The following SIPA1L3 variants were observed in gnomAD, a reference collection of about 807,000 sequenced individuals.
The protein encoded by SIPA1L3 is signal induced proliferation associated 1 like 3, also known as signal-induced proliferation-associated 1-like protein 3.
A neutral mutation model predicts 150.1 loss-of-function variants in SIPA1L3; 59 were observed. That is an observed-to-expected ratio of 0.39 (90% CI 0.32 to 0.49). SIPA1L3 has a LOEUF of 0.49. Ranked by LOEUF, SIPA1L3 falls within the 20% of genes least tolerant of loss-of-function variation. The probability of loss-of-function intolerance (pLI) is 0.86; values close to 1 mark genes in which losing one functional copy is unlikely to be tolerated. For synonymous variants in SIPA1L3, 1,070 were observed against 1,077.6 expected (o/e 0.99, Z 0.14); for missense variants, 2,211 against 2,489.5 (o/e 0.89, Z 2.38).
At chr19:38,204,555 G>A (rs143025263) in intron 21 of SIPA1L3, among the ~76,000 whole-genome samples, 7,717 of 152,230 alleles carry the variant, frequency 0.051, 524 homozygotes, top group African/African-American at 0.15. Flanking sequence ...CCTGAGGTCA[G>A]GAGTTCGAGA....
At chr19:38,069,808 GCACGCGCCACTATAC>G (rs1253092414) in intron 2 of SIPA1L3, among the ~76,000 whole-genome samples, 1 of 151,114 alleles carries the variant, frequency 6.6e-6, no homozygotes, top group African/African-American at 2.4e-5. Context: ...GGGACCACAG[GCACGCGCCACTATAC>G]CTGGTTAATT....
At chr19:38,127,913 C>T (rs948454226) in intron 9 of SIPA1L3, among the ~76,000 whole-genome samples, 2 of 152,070 alleles carry the variant, frequency 1.3e-5, no homozygotes, top group East Asian at 1.9e-4. Flanking sequence ...TTTATTTCTT[C>T]GCATTTCTGG....
intron 1 of SIPA1L3, among the ~76,000 whole-genome samples, chr19:37,960,330 T>G (rs2046845906): frequency 6.6e-6 from 1 of 152,000 alleles, no homozygotes; most frequent in Non-Finnish European, 1.5e-5. Flanking sequence ...CTCAACCTAC[T>G]GTGTTCAAGC....
chr19:38,032,241 T>C (rs1253492948), intron 2 of SIPA1L3, among the ~76,000 whole-genome samples: 1 of 152,218 alleles, frequency 6.6e-6, no homozygotes, highest in Non-Finnish European at 1.5e-5. Context: ...ATACTTGTTT[T>C]AATCTAGCAC....
At chr19:37,951,603 TAAAA>T (rs1365261689) in intron 1 of SIPA1L3, among the ~76,000 whole-genome samples, 1 of 151,884 alleles carries the variant, frequency 6.6e-6, no homozygotes, top group Non-Finnish European at 1.5e-5. Context: ...AAAAACAACT[TAAAA>T]AAAGCCCCGG....
At chr19:37,972,168 A>AGTGTGTGTGTGTGTGTGTGTGT (rs34744094) in intron 1 of SIPA1L3, among the ~76,000 whole-genome samples, 1 of 144,946 alleles carries the variant, frequency 6.9e-6, no homozygotes, top group African/African-American at 2.6e-5. Flanking sequence ...AGAGATACCT[A>AGTGTGTGTGTGTGTGTGTGTGT]GTGTGTGTGT....
intron 19 of SIPA1L3, among the ~76,000 whole-genome samples, chr19:38,198,752 A>AC (rs1973023164): frequency 6.6e-6 from 1 of 152,206 alleles, no homozygotes; most frequent in Non-Finnish European, 1.5e-5. Context: ...AGCGGAAGTG[A>AC]CCATGCCTGA....
At chr19:37,957,161 G>T (rs2046818380) in intron 1 of SIPA1L3, among the ~76,000 whole-genome samples, 1 of 152,152 alleles carries the variant, frequency 6.6e-6, no homozygotes, top group African/African-American at 2.4e-5. Context: ...TACTGCTAGT[G>T]CCACAGTCTT....
chr19:38,165,860 T>A (rs1972198125), intron 15 of SIPA1L3, among the ~76,000 whole-genome samples: 1 of 152,188 alleles, frequency 6.6e-6, no homozygotes, highest in Non-Finnish European at 1.5e-5. Flanking sequence ...CCTCCCAGGT[T>A]CAAGTGATTC....
chr19:38,196,794 C>T (rs551578128), intron 18 of SIPA1L3, among the ~76,000 whole-genome samples: 100 of 151,728 alleles, frequency 6.6e-4, no homozygotes, highest in East Asian at 3.9e-4. Flanking sequence ...GGCTGAGGGA[C>T]GAGCCAGGAG....
intron 4 of SIPA1L3, among the ~76,000 whole-genome samples, chr19:38,089,529 A>ACGTAATG (rs1970216228): frequency 6.6e-6 from 1 of 152,178 alleles, no homozygotes; most frequent in Non-Finnish European, 1.5e-5. Flanking sequence ...GAGGTGTCCT[A>ACGTAATG]CGTAATGGAA....
At chr19:38,022,486 T>C (rs1439973608) in intron 1 of SIPA1L3, among the ~76,000 whole-genome samples, 1 of 150,824 alleles carries the variant, frequency 6.6e-6, no homozygotes, top group African/African-American at 2.5e-5. Context: ...GATCACGAAG[T>C]CAGGAGATTG....
intron 18 of SIPA1L3, among the ~76,000 whole-genome samples, chr19:38,196,442 A>AGGTCAAGGGCGGAGTGT (rs1972943635): frequency 1.5e-5 from 2 of 133,402 alleles, no homozygotes; most frequent in African/African-American, 5.8e-5. Context: ...GGGCAGAGCA[A>AGGTCAAGGGCGGAGTGT]GGAGGTCAAG....
At chr19:38,111,655 C>G (rs1220912790) in intron 8 of SIPA1L3, among the ~76,000 whole-genome samples, 1 of 152,208 alleles carries the variant, frequency 6.6e-6, no homozygotes, top group East Asian at 1.9e-4. Flanking sequence ...CGCTGGTTGT[C>G]TAGCACCTCT....
chr19:38,186,817 C>A lies in SIPA1L3; in HGVS notation c.4430+4077C>A, dbSNP rs538979921. Among the ~76,000 whole-genome samples the A allele has an allele frequency of 1.8e-3, 266 of 149,378 alleles. 1 individual carries two copies. The highest frequency in any genetic ancestry group is 6.0e-3 in the African/African-American group (243 of 40,712). On this transcript the variant is annotated intron_variant, in intron 16 of 21. Coordinates refer to ENST00000222345, the MANE Select transcript of SIPA1L3 (RefSeq NM_015073.3). ...ACCAGCCTGACCAACATGGAGAAAC[C>A]CTGTCTCTACTAAAAATACAAAATT...
chr19:38,124,091 G>T, intron 9 of SIPA1L3, among the ~76,000 whole-genome samples: 1 of 149,852 alleles, frequency 6.7e-6, no homozygotes, highest in Admixed American at 6.6e-5. Flanking sequence ...GCGGCTGGCC[G>T]GGCGGGGGGC....
chr19:37,937,185 C>T (rs2145513247), intron 1 of SIPA1L3, among the ~76,000 whole-genome samples: 1 of 152,190 alleles, frequency 6.6e-6, no homozygotes, highest in East Asian at 1.9e-4. Context: ...TTAAAGATGG[C>T]CTTTGGACAC....
At chr19:37,916,044 TTGAGACA>T (rs1299224727) in intron 1 of SIPA1L3, among the ~76,000 whole-genome samples, 8 of 152,094 alleles carry the variant, frequency 5.3e-5, no homozygotes, top group African/African-American at 1.9e-4. Context: ...GTTTTTGTTT[TTGAGACA>T]GTTCTCACTC....
At chr19:38,024,022 G>C (rs919775180) in intron 1 of SIPA1L3, among the ~76,000 whole-genome samples, 5 of 152,166 alleles carry the variant, frequency 3.3e-5, no homozygotes, top group Non-Finnish European at 7.3e-5. Flanking sequence ...GGAGGGGGAG[G>C]GGGGTGGACG....
Sources: gnomAD v4.1 joint callset for allele counts (sites outside exome capture counted in the v4.1 genomes callset) on GRCh38, gnomAD v4.1.1 for gene constraint, MANE v1.5 for transcripts, NCBI Gene and HGNC (gene_info 2026-07-23, HGNC 2026-07-21) for gene names.